Variants in AKAP10 observed in about 807,000 individuals in gnomAD.
The protein encoded by AKAP10 is A-kinase anchoring protein 10.
A neutral mutation model predicts 80.8 loss-of-function variants in AKAP10; 24 were observed. The ratio of observed to expected loss-of-function variants is 0.30; its 90% CI spans 0.22 to 0.42. AKAP10 has a LOEUF of 0.42. Ranked by LOEUF, AKAP10 falls within the 10% of genes least tolerant of loss-of-function variation. The pLI is 1.00. For missense variants in AKAP10, 661 were observed against 794.9 expected (o/e 0.83, Z 2.03); for synonymous variants, 291 against 277.7 (o/e 1.05, Z -0.48).
intron 8 of AKAP10, among the ~76,000 whole-genome samples, chr17:19,939,225 G>T (rs1466301843): frequency 1.3e-5 from 2 of 152,114 alleles, no homozygotes; most frequent in African/African-American, 4.8e-5. Flanking sequence ...GATTTATACA[G>T]AAAGTATAAT....
chr17:19,937,416 C>T (rs1045439441), intron 8 of AKAP10, among the ~76,000 whole-genome samples: 1 of 152,062 alleles, frequency 6.6e-6, no homozygotes, highest in Non-Finnish European at 1.5e-5. Context: ...GCAGGAGAAC[C>T]GCTTGAACCC....
intron 4 of AKAP10, among the ~76,000 whole-genome samples, chr17:19,951,507 T>C (rs1183917227): frequency 6.6e-6 from 1 of 152,252 alleles, no homozygotes; most frequent in Non-Finnish European, 1.5e-5. Flanking sequence ...TGTGTCTGTG[T>C]AGAAAGAAGT....
intron 4 of AKAP10, among the ~76,000 whole-genome samples, chr17:19,957,376 C>A (rs939937584): frequency 6.6e-6 from 1 of 151,896 alleles, no homozygotes; most frequent in African/African-American, 2.4e-5. Flanking sequence ...CCCGTCTCTA[C>A]TAAAAATACA....
At chr17:19,969,172 C>T (rs1234153437) in intron 1 of AKAP10, among the ~76,000 whole-genome samples, 3 of 152,202 alleles carry the variant, frequency 2.0e-5, no homozygotes, top group Middle Eastern at 3.4e-3. Context: ...GGTGAAACCC[C>T]ATCTCTACTA....
At chr17:19,951,430 C>T (rs1597515712) in intron 4 of AKAP10, among the ~76,000 whole-genome samples, 1 of 152,062 alleles carries the variant, frequency 6.6e-6, no homozygotes, top group East Asian at 1.9e-4. Context: ...GCCATGATGA[C>T]GATGGCAGTT....
chr17:19,962,097 C>G (rs1375967206), intron 3 of AKAP10, among the ~76,000 whole-genome samples: 1 of 152,006 alleles, frequency 6.6e-6, no homozygotes, highest in Non-Finnish European at 1.5e-5. Flanking sequence ...GCCTGGGCAA[C>G]AGAGTAAAAC....
At position 19,928,029 on chromosome 17, in the gene AKAP10, G is replaced by T. The variant is rs1299438959; in HGVS notation, c.1642-3512C>A. On this transcript the variant is annotated intron_variant, in intron 10 of 14. Coordinates refer to ENST00000225737, the MANE Select transcript of AKAP10 (RefSeq NM_007202.4). ...GAGGTCAGGAGTTTGTGACCAGCCT[G>T]GCTAACATGGTGAAACCCTGTCACT... 2.0e-5 allele frequency among the ~76,000 whole-genome samples: 3 copies of T among 152,126 alleles called. No homozygotes were observed. The East Asian group carries it at 5.8e-4, about 29-fold the overall frequency.
chr17:19,973,309 A>T (rs2043523427), intron 1 of AKAP10, among the ~76,000 whole-genome samples: 1 of 152,224 alleles, frequency 6.6e-6, no homozygotes, highest in Non-Finnish European at 1.5e-5. Context: ...TAGCACAGCC[A>T]TGCCCATTTG....
chr17:19,925,923 G>A (rs1421323581), intron 10 of AKAP10, among the ~76,000 whole-genome samples: 1 of 152,158 alleles, frequency 6.6e-6, no homozygotes, highest in Admixed American at 6.6e-5. Context: ...GTATGGTACT[G>A]GCATAAAGAC....
chr17:19,966,585 T>G (rs1292187919), intron 2 of AKAP10, among the ~76,000 whole-genome samples: 1 of 152,258 alleles, frequency 6.6e-6, no homozygotes, highest in African/African-American at 2.4e-5. Context: ...GTACTGCTTC[T>G]GTATTATCCT....
chr17:19,958,390 C>T lies in AKAP10; in HGVS notation c.501G>A (p.Ser167=), dbSNP rs2043307658. 1 of 1,614,162 alleles carries T rather than the reference C, an allele frequency of 6.2e-7. No individual in the cohort carries two copies. The highest frequency in any genetic ancestry group is 8.5e-7 in the Non-Finnish European group (1 of 1,180,024). Residue 167 remains serine, a synonymous_variant, in exon 4 of 15, where the codon TCG becomes TCA. Coordinates refer to ENST00000225737, the MANE Select transcript of AKAP10 (RefSeq NM_007202.4). The stretch of plus-strand genomic sequence containing the variant: ...TGTTTAGACTGTGTGCTCTTATTCG[C>T]GACCAAGTTGTTGAATGAAAACTTT... The part of the protein sequence containing the change: ...EAESFHSTTW[S]RIRAHSLNTV...
intron 8 of AKAP10, among the ~76,000 whole-genome samples, chr17:19,939,303 A>C (rs2043027411): frequency 6.6e-6 from 1 of 152,172 alleles, no homozygotes; most frequent in Admixed American, 6.5e-5. Context: ...CCTCATATTT[A>C]TTCCCCACTC....
At chr17:19,909,815 G>A in intron 13 of AKAP10, 111 bp downstream of exon 13, 1 of 867,600 alleles carries the variant, frequency 1.2e-6, no homozygotes, top group South Asian at 1.6e-5. Context: ...GAACATAAAT[G>A]TGCCATGCTG....
Position 19,941,867 on chromosome 17 carries a change from G to A in AKAP10, c.1020C>T (p.Phe340=), listed in dbSNP as rs757814589. Reference sequence around the variant, plus strand: ...TAAAGACTATGGACTGTGCCAAAACGAAACAGTTGGGATCCACCTGTCCAT... The same window carrying A: ...TAAAGACTATGGACTGTGCCAAAACAAAACAGTTGGGATCCACCTGTCCAT... ...GEDGQVDPNC[F]VLAQSIVFSA... is the part of the protein sequence containing the mutation. The change falls in exon 6 of 15, where the codon TTC becomes TTT. Residue 340 remains phenylalanine, a synonymous_variant. Coordinates refer to ENST00000225737, the MANE Select transcript of AKAP10 (RefSeq NM_007202.4). 30 of 1,610,240 alleles carry A rather than the reference G, an allele frequency of 1.9e-5. No individual in the cohort carries two copies. Among genetic ancestry groups the A allele is most frequent in the African/African-American group, 6.7e-5 (5 of 74,802 alleles).
intron 4 of AKAP10, among the ~76,000 whole-genome samples, 187 bp from the exon 5 acceptor site, chr17:19,947,692 T>C (rs1428771117): frequency 6.6e-6 from 1 of 152,172 alleles, no homozygotes; most frequent in Non-Finnish European, 1.5e-5. Context: ...TTCAAAGCTA[T>C]GGAAAATGCA....
chr17:19,977,736 G>C lies in AKAP10; in HGVS notation c.-57C>G. 1 of 1,114,392 alleles carries C rather than the reference G, an allele frequency of 9.0e-7. No homozygotes were observed. Among genetic ancestry groups the C allele is most frequent in the Non-Finnish European group, 1.1e-6 (1 of 877,832 alleles). 69.0% of individuals were successfully genotyped at this position (1,114,392 alleles called of 1,614,324 possible). A position where few individuals can be genotyped will look rare whatever the true frequency, so the allele number is the denominator to read the frequency against. Reference sequence around the variant, plus strand: ...GGGGCCGCTGCACTAGCGCGAAAAGGGACCCTTCTTCCGGGAGTGGGCCCC... The same window carrying C: ...GGGGCCGCTGCACTAGCGCGAAAAGCGACCCTTCTTCCGGGAGTGGGCCCC... On this transcript the variant is annotated 5_prime_UTR_variant, in exon 1 of 15. Coordinates refer to ENST00000225737, the MANE Select transcript of AKAP10 (RefSeq NM_007202.4).
intron 11 of AKAP10, among the ~76,000 whole-genome samples, chr17:19,921,957 A>T (rs1229730634): frequency 6.6e-6 from 1 of 152,344 alleles, no homozygotes. Context: ...ACTGTGAATG[A>T]AAGTACAACG....
intron 1 of AKAP10, among the ~76,000 whole-genome samples, chr17:19,969,670 G>T (rs1029073532): frequency 6.6e-6 from 1 of 151,916 alleles, no homozygotes; most frequent in Admixed American, 6.6e-5. Context: ...GAAATAACTC[G>T]CCCTCAGAGT....
chr17:19,950,536 C>T lies in AKAP10; in HGVS notation c.878-3031G>A, dbSNP rs563178653. ...GTGTTGGCCGGGCTGGTCTCCAGCT[C>T]CTGACCGCGAGTGATCTGCCTGCCT... On this transcript the variant is annotated intron_variant, in intron 4 of 14. Transcript: ENST00000225737. Among the ~76,000 whole-genome samples, 18 of 152,354 alleles carry T rather than the reference C, an allele frequency of 1.2e-4. No homozygotes were observed. In the South Asian group the frequency reaches 3.7e-3, roughly 32 times the overall value.
Sources: allele counts gnomAD v4.1 joint callset (sites outside exome capture counted in the v4.1 genomes callset), GRCh38; gene constraint gnomAD v4.1.1; transcripts MANE v1.5; gene names NCBI Gene and HGNC (gene_info 2026-07-23, HGNC 2026-07-21).